PLEKHF1: variants seen among roughly 807,000 people sequenced by gnomAD.
The protein encoded by PLEKHF1 is pleckstrin homology and FYVE domain containing 1.
PLEKHF1 carries 1 observed loss-of-function variant against 4.1 expected under a neutral mutation model. The observed-to-expected ratio is 0.24, with a 90% CI of 0.09 to 1.15. The LOEUF (loss-of-function observed/expected upper bound fraction) is 1.15, where lower values mean the gene tolerates loss of function less well. PLEKHF1 is among the 50% of genes most tolerant of loss of function. The pLI is 0.52. For missense variants in PLEKHF1, 429 were observed against 400.6 expected, an observed-to-expected ratio of 1.07 and a Z score of -0.60; for synonymous variants, 182 against 178.5, an observed-to-expected ratio of 1.02 and a Z score of -0.16.
At chr19:29,665,762 C>T (rs952522041) in intron 1 of PLEKHF1, 18 of 1,074,878 alleles carry the variant, frequency 1.7e-5, no homozygotes, top group Non-Finnish European at 1.9e-5. Flanking sequence ...GAGGCGGAAT[C>T]CCCGGGGAAA....
chr19:29,674,231 G>T lies in PLEKHF1; in HGVS notation c.392G>T (p.Arg131Leu), dbSNP rs1480632558. Reference protein sequence around the residue: ...EWISHIEECVRRQLRATGRPP... With the variant: ...EWISHIEECVLRQLRATGRPP... ...ATTAGCCACATCGAGGAGTGCGTGC[G>T]GCGGCAACTGAGGGCCACGGGCCGC... Residue 131 changes from arginine to leucine, a missense_variant, in exon 2 of 2, where the codon CGG becomes CTG. Transcript: ENST00000436066. 6.2e-7 allele frequency: 1 copy of T among 1,611,230 alleles called. No individual in the cohort carries two copies. The highest frequency in any genetic ancestry group is 8.5e-7 in the Non-Finnish European group (1 of 1,179,664).
In PLEKHF1 at chr19:29,671,874, G is replaced by A. The variant is rs1971634925; in HGVS notation, c.-16-1950G>A. Reference sequence around the variant, plus strand: ...CAGCTCAGCCCCAGGCGTGCCGTGTGTACCGGAATGCATGTGTGCACGTGG... The same window carrying A: ...CAGCTCAGCCCCAGGCGTGCCGTGTATACCGGAATGCATGTGTGCACGTGG... On this transcript the variant is annotated intron_variant, in intron 1 of 1. Coordinates refer to ENST00000436066, the MANE Select transcript of PLEKHF1 (RefSeq NM_024310.5). The surrounding 1 kb of genome is among the most constrained non-coding windows in gnomAD (Gnocchi z 4.0). Among the ~76,000 whole-genome samples the A allele has an allele frequency of 6.6e-6, 1 of 152,140 alleles. No individual in the cohort carries two copies. Among genetic ancestry groups the A allele is most frequent in the Admixed American group, 6.5e-5 (1 of 15,270 alleles).
chr19:29,674,661 G>A lies in PLEKHF1; in HGVS notation c.822G>A (p.Trp274Ter), dbSNP rs1290603779. Reference protein sequence around the residue: ...SVEFYASGVAWSAFHS With the variant: ...SVEFYASGVA ...AGTTCTACGCCTCGGGGGTGGCCTG[G>A]TCTGCCTTCCACAGCTGACCCCCGG... The change falls in exon 2 of 2, where the codon TGG becomes TGA. Residue 274 changes from tryptophan to a stop codon, truncating the protein, a stop_gained. Transcript: ENST00000436066. LOFTEE classifies it high-confidence loss of function. 3.7e-6 allele frequency: 6 copies of A among 1,606,506 alleles called. No individual in the cohort carries two copies. The African/African-American group carries it at 8.0e-5, about 21-fold the overall frequency.
intron 1 of PLEKHF1, among the ~76,000 whole-genome samples, chr19:29,668,372 C>T (rs1971592848): frequency 6.6e-6 from 1 of 151,970 alleles, no homozygotes; most frequent in African/African-American, 2.4e-5. Context: ...CTTTTTTCTC[C>T]CCTGTGCTAA....
chr19:29,674,626 A>C lies in PLEKHF1; in HGVS notation c.787A>C (p.Ser263Arg). Residue 263 changes from serine to arginine, a missense_variant, in exon 2 of 2, where the codon AGC becomes CGC. Physicochemically the swap from Ser to Arg is moderately radical, Grantham distance 110. Transcript: ENST00000436066. ...GGGCAGCAGGGACGGCGACTGGCCC[A>C]GCAGCGTGGAGTTCTACGCCTCGGG... The part of the protein sequence containing the change: ...KEGSRDGDWP[S>R]SVEFYASGVA... 1 of 1,610,206 alleles carries C rather than the reference A, an allele frequency of 6.2e-7. No individual in the cohort carries two copies. The highest frequency in any genetic ancestry group is 8.5e-7 in the Non-Finnish European group (1 of 1,179,058).
At chr19:29,670,345 T>C (rs1209591735) in intron 1 of PLEKHF1, among the ~76,000 whole-genome samples, 1 of 152,222 alleles carries the variant, frequency 6.6e-6, no homozygotes, top group Non-Finnish European at 1.5e-5. Context: ...ATGAATTTGA[T>C]CAGTATGTAT....
intron 1 of PLEKHF1, among the ~76,000 whole-genome samples, chr19:29,670,721 A>G (rs1739428514): frequency 6.6e-6 from 1 of 151,350 alleles, no homozygotes; most frequent in Admixed American, 6.6e-5. Flanking sequence ...TCTGTCGCCC[A>G]GGCTGGAGCA....
At position 29,673,959 on chromosome 19, in the gene PLEKHF1, C is replaced by A. The variant is rs753885463; in HGVS notation, c.120C>A (p.Gly40=). 1 of 1,613,858 alleles carries A rather than the reference C, an allele frequency of 6.2e-7. No individual in the cohort carries two copies. The highest frequency in any genetic ancestry group is 8.5e-7 in the Non-Finnish European group (1 of 1,179,948). ...CAGGCCGAGTGCTGCTGGGCGAGGGCGTGCTGACCAAAGAGTGCCGCAAGA... is the reference window on the plus strand; with the variant it reads ...CAGGCCGAGTGCTGCTGGGCGAGGGAGTGCTGACCAAAGAGTGCCGCAAGA... ...ALPGRVLLGE[G]VLTKECRKKA... Residue 40 remains glycine (G), a synonymous_variant, in exon 2 of 2, where the codon GGC becomes GGA. Transcript: ENST00000436066.
Position 29,674,847 on chromosome 19 carries a change from G to A in PLEKHF1, c.*168G>A. Reference sequence around the variant, plus strand: ...CCAGTGCCTTTTTGCTGGACACTGTGTCCTTATGGCTTCACTGCAGGTAAT... The same window carrying A: ...CCAGTGCCTTTTTGCTGGACACTGTATCCTTATGGCTTCACTGCAGGTAAT... On this transcript the variant is annotated 3_prime_UTR_variant, in exon 2 of 2. Coordinates refer to ENST00000436066, the MANE Select transcript of PLEKHF1 (RefSeq NM_024310.5). 9.7e-7 allele frequency: 1 copy of A among 1,031,040 alleles called. No individual in the cohort carries two copies. 63.9% of individuals were successfully genotyped at this position (1,031,040 alleles called of 1,614,324 possible).
chr19:29,667,636 T>C (rs891199), intron 1 of PLEKHF1, among the ~76,000 whole-genome samples: 55,976 of 148,392 alleles, frequency 0.38, 14,165 homozygotes, highest in African/African-American at 0.73. Flanking sequence ...CCCCACCCCA[T>C]CCCCCACCGC....
chr19:29,673,763 C>T, intron 1 of PLEKHF1, 61 bp from the exon 2 acceptor site: 14 of 1,543,896 alleles, frequency 9.1e-6, no homozygotes, highest in South Asian at 2.5e-5. Context: ...GGGTGGGCAG[C>T]GTGGTTCTGA....
intron 1 of PLEKHF1, 113 bp from the exon 2 acceptor site, chr19:29,673,711 C>G (rs1864223): frequency 0.26 from 367,850 of 1,402,042 alleles, 53,282 homozygotes; most frequent in African/African-American, 0.57. Context: ...GGTTACTGTG[C>G]GTAGTCAGTG....
chr19:29,670,630 A>G (rs1971620680), intron 1 of PLEKHF1, among the ~76,000 whole-genome samples: 1 of 151,910 alleles, frequency 6.6e-6, no homozygotes, highest in African/African-American at 2.4e-5. Context: ...TTCAGTCTGG[A>G]TATATATCCA....
Position 29,674,865 on chromosome 19 carries a change from C to A in PLEKHF1, c.*186C>A, listed in dbSNP as rs575272815. On this transcript the variant is annotated 3_prime_UTR_variant, in exon 2 of 2. Coordinates refer to ENST00000436066, the MANE Select transcript of PLEKHF1 (RefSeq NM_024310.5). Reference sequence around the variant, plus strand: ...ACACTGTGTCCTTATGGCTTCACTGCAGGTAATGCCTTTCCCTTCAGGAAG... The same window carrying A: ...ACACTGTGTCCTTATGGCTTCACTGAAGGTAATGCCTTTCCCTTCAGGAAG... 4.2e-5 allele frequency: 35 copies of A among 835,940 alleles called. No homozygotes were observed. In the South Asian group the frequency reaches 7.0e-4, roughly 17 times the overall value. 51.8% of individuals were successfully genotyped at this position (835,940 alleles called of 1,614,324 possible). A position where few individuals can be genotyped will look rare whatever the true frequency, so the allele number is the denominator to read the frequency against.
intron 1 of PLEKHF1, among the ~76,000 whole-genome samples, chr19:29,668,233 C>T (rs1161312497): frequency 1.3e-5 from 2 of 152,230 alleles, no homozygotes; most frequent in Non-Finnish European, 2.9e-5. Context: ...GGGGTCACCC[C>T]TCTACCAGCA....
At chr19:29,670,470 G>A (rs1971618577) in intron 1 of PLEKHF1, among the ~76,000 whole-genome samples, 2 of 152,070 alleles carry the variant, frequency 1.3e-5, no homozygotes, top group South Asian at 2.1e-4. Flanking sequence ...CTTCCTTTTC[G>A]AGGCTGAATA....
At chr19:29,669,005 A>G (rs554487510) in intron 1 of PLEKHF1, among the ~76,000 whole-genome samples, 4 of 152,244 alleles carry the variant, frequency 2.6e-5, no homozygotes, top group African/African-American at 9.6e-5. Flanking sequence ...CATCGCCACC[A>G]GATGCCCCTC....
chr19:29,672,766 C>G (rs769260430), intron 1 of PLEKHF1, among the ~76,000 whole-genome samples: 20 of 152,026 alleles, frequency 1.3e-4, no homozygotes, highest in Non-Finnish European at 2.5e-4. Flanking sequence ...GTTTGAGGAG[C>G]TTATTAGACA....
chr19:29,668,479 G>A (rs1971594311), intron 1 of PLEKHF1, among the ~76,000 whole-genome samples: 1 of 152,094 alleles, frequency 6.6e-6, no homozygotes, highest in Admixed American at 6.6e-5. Context: ...CAGCACTTTG[G>A]GAGGCTGAGG....
Sources: gnomAD v4.1 joint callset for allele counts (sites outside exome capture counted in the v4.1 genomes callset) on GRCh38, gnomAD v4.1.1 for gene constraint, Gnocchi (gnomAD v3.1) non-coding constraint, MANE v1.5 for transcripts, NCBI Gene and HGNC (gene_info 2026-07-23, HGNC 2026-07-21) for gene names.